The following COL21A1 variants were observed in gnomAD, a reference collection of about 807,000 sequenced individuals.
The protein encoded by COL21A1 is collagen type XXI alpha 1 chain, also known as collagen alpha-1(XXI) chain.
Under a neutral mutation model 137.9 loss-of-function variants are expected in COL21A1, and 149 were observed. The ratio of observed to expected loss-of-function variants is 1.08; its 90% CI spans 0.95 to 1.24. The LOEUF (loss-of-function observed/expected upper bound fraction) is 1.24, where lower values mean the gene tolerates loss of function less well. Among genes scored for constraint, COL21A1 ranks in the 50% most tolerant of loss-of-function variants. COL21A1 has a pLI of 0.00. For missense variants in COL21A1, 1,167 were observed against 1,158.4 expected (o/e 1.01, Z -0.11); for synonymous variants, 456 against 391.5 (o/e 1.16, Z -1.95).
rs1385933830 is a variant in COL21A1 at position 56,112,648 on chromosome 6, G to A, written c.1759-11123C>T. ...GAAAACCAGACCAAACTCAACTGAT[G>A]CCTGCCCACAGAAGAAGTTTTTTTT... On this transcript the variant is annotated intron_variant, in intron 16 of 29. Coordinates refer to ENST00000244728, the MANE Select transcript of COL21A1 (RefSeq NM_030820.4). Among the ~76,000 whole-genome samples the A allele has an allele frequency of 2.0e-5, 3 of 151,042 alleles. No homozygotes were observed. In the South Asian group the frequency reaches 6.3e-4, roughly 32 times the overall value.
intron 1 of COL21A1, among the ~76,000 whole-genome samples, chr6:56,232,346 C>A (rs1467861669): frequency 6.6e-6 from 1 of 151,846 alleles, no homozygotes; most frequent in Non-Finnish European, 1.5e-5. Context: ...ATTTTAAACT[C>A]TGCTATGTTA....
chr6:56,200,498 C>T (rs1197251020), intron 1 of COL21A1, among the ~76,000 whole-genome samples: 2 of 132,714 alleles, frequency 1.5e-5, no homozygotes, highest in African/African-American at 5.6e-5. Flanking sequence ...GTTCCCCTTC[C>T]TGTGTCCATG....
intron 1 of COL21A1, among the ~76,000 whole-genome samples, chr6:56,211,633 A>G (rs1396734778): frequency 6.6e-6 from 1 of 152,162 alleles, no homozygotes; most frequent in Non-Finnish European, 1.5e-5. Flanking sequence ...TAGAAGAATT[A>G]CCAAACTGGG....
intron 1 of COL21A1, among the ~76,000 whole-genome samples, chr6:56,215,262 G>A (rs1047913898): frequency 1.3e-5 from 2 of 151,862 alleles, no homozygotes; most frequent in Non-Finnish European, 2.9e-5. Flanking sequence ...TGAGAGTGTG[G>A]GTAGCACCTC....
At chr6:56,136,091 C>T (rs1773978595) in intron 12 of COL21A1, among the ~76,000 whole-genome samples, 1 of 152,154 alleles carries the variant, frequency 6.6e-6, no homozygotes, top group African/African-American at 2.4e-5. Context: ...GTTAATTAAA[C>T]ATGAATGGTA....
At chr6:56,242,775 T>G (rs770321783) in intron 1 of COL21A1, among the ~76,000 whole-genome samples, 3 of 152,208 alleles carry the variant, frequency 2.0e-5, no homozygotes, top group Non-Finnish European at 2.9e-5. Context: ...CAGATTTATT[T>G]TCTTGGCATT....
In COL21A1 at chr6:56,391,861, A is replaced by G. The variant is rs554765395; in HGVS notation, c.-39+2110T>C. Among the ~76,000 whole-genome samples, 6 of 152,280 alleles carry G rather than the reference A, an allele frequency of 3.9e-5. No individual in the cohort carries two copies. In the South Asian group the frequency reaches 1.2e-3, roughly 32 times the overall value. ...CAACAAGTAACAAGACAGAAACTGT[A>G]ATTAAAAAGTCTCCCAGCAAAGAAA... On this transcript the variant is annotated intron_variant, in intron 1 of 28. Transcript: ENST00000370819.
At chr6:56,253,096 A>T (rs1782892512) in intron 1 of COL21A1, among the ~76,000 whole-genome samples, 3 of 152,224 alleles carry the variant, frequency 2.0e-5, no homozygotes. Flanking sequence ...TACAACAATC[A>T]TTCTCTTAGC....
chr6:56,229,502 T>C (rs1287503706), intron 1 of COL21A1, among the ~76,000 whole-genome samples: 5 of 152,052 alleles, frequency 3.3e-5, no homozygotes, highest in African/African-American at 4.8e-5. Flanking sequence ...TGAATTATCG[T>C]ACACTAACCA....
At chr6:56,148,771 C>G (rs1290141881) in intron 10 of COL21A1, among the ~76,000 whole-genome samples, 5 of 152,148 alleles carry the variant, frequency 3.3e-5, no homozygotes, top group African/African-American at 1.2e-4. Flanking sequence ...TCCTCTTATA[C>G]TCTATCACCA....
intron 1 of COL21A1, among the ~76,000 whole-genome samples, chr6:56,335,248 A>T (rs889362147): frequency 5.3e-5 from 8 of 152,112 alleles, no homozygotes; most frequent in African/African-American, 1.9e-4. Context: ...CTAAATATAC[A>T]AATGGACAAT....
chr6:56,205,990 A>G (rs1397098636), intron 1 of COL21A1, among the ~76,000 whole-genome samples: 2 of 152,370 alleles, frequency 1.3e-5, no homozygotes, highest in African/African-American at 4.8e-5. Flanking sequence ...GAAGCACTAA[A>G]CATGGAGAGG....
At chr6:56,073,582 C>T (rs1018556924) in intron 20 of COL21A1, among the ~76,000 whole-genome samples, 2 of 151,366 alleles carry the variant, frequency 1.3e-5, no homozygotes, top group African/African-American at 4.8e-5. Flanking sequence ...TAGTTGGGAA[C>T]AGTTTTCTGA....
At chr6:56,331,376 T>A (rs1482177474) in intron 1 of COL21A1, among the ~76,000 whole-genome samples, 3 of 152,080 alleles carry the variant, frequency 2.0e-5, no homozygotes, top group Non-Finnish European at 4.4e-5. Flanking sequence ...AGAAGAGTTG[T>A]TCCTAGATTT....
At chr6:56,190,125 A>T (rs1778561615) in intron 1 of COL21A1, among the ~76,000 whole-genome samples, 1 of 152,220 alleles carries the variant, frequency 6.6e-6, no homozygotes, top group South Asian at 2.1e-4. Context: ...AGACACAAAA[A>T]ACCCTTCAAA....
intron 1 of COL21A1, among the ~76,000 whole-genome samples, chr6:56,259,858 GC>G (rs1383999065): frequency 1.3e-5 from 2 of 152,198 alleles, no homozygotes; most frequent in African/African-American, 2.4e-5. Flanking sequence ...TCAAATATGT[GC>G]TCTTTATAAC....
chr6:56,304,868 T>C (rs1764402783), intron 1 of COL21A1, among the ~76,000 whole-genome samples: 1 of 152,186 alleles, frequency 6.6e-6, no homozygotes, highest in African/African-American at 2.4e-5. Flanking sequence ...TTGTGGACAT[T>C]TAGTGCTATA....
chr6:56,289,974 G>T (rs1764002313), intron 1 of COL21A1, among the ~76,000 whole-genome samples: 1 of 152,026 alleles, frequency 6.6e-6, no homozygotes, highest in Admixed American at 6.6e-5. Flanking sequence ...CTGATACCTT[G>T]TCCAGCCCAC....
At chr6:56,172,393 G>GA (rs1777140201) in intron 3 of COL21A1, among the ~76,000 whole-genome samples, 1 of 152,058 alleles carries the variant, frequency 6.6e-6, no homozygotes. Context: ...TGAAAGGAAA[G>GA]AAAAAACCTG....
Sources: allele counts gnomAD v4.1 joint callset (sites outside exome capture counted in the v4.1 genomes callset), GRCh38; gene constraint gnomAD v4.1.1; transcripts MANE v1.5; gene names NCBI Gene and HGNC (gene_info 2026-07-23, HGNC 2026-07-21).